STXBP6: variants seen among roughly 807,000 people sequenced by gnomAD.
STXBP6 encodes syntaxin-binding protein 6.
In STXBP6, 21 loss-of-function variants were observed where a neutral mutation model predicts 26.9. The ratio of observed to expected loss-of-function variants is 0.78; its 90% confidence interval spans 0.55 to 1.12. The LOEUF is 1.12. STXBP6 is among the 50% of genes most tolerant of loss of function. The pLI is 0.00. For missense variants in STXBP6, 232 were observed against 257.9 expected (o/e 0.90, Z 0.69); for synonymous variants, 97 against 92.6 (o/e 1.05, Z -0.27).
chr14:24,826,509 C>T (rs1189269364), intron 4 of STXBP6, among the ~76,000 whole-genome samples: 1 of 152,198 alleles, frequency 6.6e-6, no homozygotes, highest in Non-Finnish European at 1.5e-5. Flanking sequence ...AAGGAGGAGT[C>T]TGCCCCTACT....
intron 1 of STXBP6, among the ~76,000 whole-genome samples, chr14:25,024,463 G>A (rs145932906): frequency 1.4e-4 from 21 of 152,154 alleles, no homozygotes; most frequent in African/African-American, 4.8e-4. Context: ...GTTCAAGAAC[G>A]AACTTGATCC....
At chr14:25,008,469 G>A (rs1400410453) in intron 1 of STXBP6, among the ~76,000 whole-genome samples, 2 of 152,166 alleles carry the variant, frequency 1.3e-5, no homozygotes, top group African/African-American at 4.8e-5. Flanking sequence ...GGGAGATAGA[G>A]GGAGACCTTG....
In STXBP6 at chr14:24,901,464, T is replaced by C. The variant is rs181844399; in HGVS notation, c.155-44307A>G. 6.3e-3 allele frequency among the ~76,000 whole-genome samples: 963 copies of C among 152,278 alleles called. 8 individuals are homozygous for C. The highest frequency in any genetic ancestry group is 0.037 in the South Asian group (180 of 4,826). On this transcript the variant is annotated intron_variant, in intron 2 of 5. Coordinates refer to ENST00000323944, the MANE Select transcript of STXBP6 (RefSeq NM_001394410.1). Reference sequence around the variant, plus strand: ...CAACCACTGGGAAAACTGTTGGCAGTTTCTGAAAAAATTAGGCATAACGTT... The same window carrying C: ...CAACCACTGGGAAAACTGTTGGCAGCTTCTGAAAAAATTAGGCATAACGTT...
At chr14:24,952,852 G>A (rs937624240) in intron 2 of STXBP6, among the ~76,000 whole-genome samples, 2 of 152,130 alleles carry the variant, frequency 1.3e-5, no homozygotes, top group African/African-American at 4.8e-5. Flanking sequence ...CAACTCAGAG[G>A]AGGAAACCAT....
At chr14:24,886,635 G>C (rs912011466) in intron 2 of STXBP6, among the ~76,000 whole-genome samples, 41 of 151,766 alleles carry the variant, frequency 2.7e-4, no homozygotes, top group African/African-American at 9.5e-4. Context: ...TTTATGACTT[G>C]TCATTTCACA....
chr14:24,855,468 A>T (rs2139167952), intron 4 of STXBP6, among the ~76,000 whole-genome samples: 1 of 152,206 alleles, frequency 6.6e-6, no homozygotes, highest in East Asian at 1.9e-4. Context: ...TCTGTATGCC[A>T]TTCAAGGAAT....
intron 2 of STXBP6, among the ~76,000 whole-genome samples, chr14:24,896,608 G>A (rs190936619): frequency 1.3e-5 from 2 of 152,282 alleles, no homozygotes; most frequent in East Asian, 3.9e-4. Context: ...ACACATACAA[G>A]CTTTCTAAAA....
At chr14:24,849,961 G>A (rs537728376) in intron 4 of STXBP6, among the ~76,000 whole-genome samples, 1 of 152,098 alleles carries the variant, frequency 6.6e-6, no homozygotes, top group African/African-American at 2.4e-5. Flanking sequence ...AGCATGTGTA[G>A]GAGTGTGAGG....
chr14:24,898,464 G>A (rs2071082198), intron 2 of STXBP6, among the ~76,000 whole-genome samples: 1 of 152,176 alleles, frequency 6.6e-6, no homozygotes, highest in South Asian at 2.1e-4. Flanking sequence ...GGATCACGAG[G>A]TCAGGAGTTC....
rs533313893 is a variant in STXBP6, at chr14:24,874,669, T to G, written c.155-17512A>C. ...AGAGTAAAGCTAATTAAGTGACTAT[T>G]TTTCAGATATGAGAAAAAAGTTGTT... On this transcript the variant is annotated intron_variant, in intron 2 of 5. Transcript: ENST00000323944. Among the ~76,000 whole-genome samples, 5 of 152,280 alleles carry G rather than the reference T, an allele frequency of 3.3e-5. No individual in the cohort carries two copies. In the East Asian group the frequency reaches 9.7e-4, roughly 29 times the overall value.
intron 1 of STXBP6, among the ~76,000 whole-genome samples, chr14:25,038,297 C>G (rs944071863): frequency 1.2e-4 from 19 of 152,154 alleles, no homozygotes; most frequent in African/African-American, 4.3e-4. Flanking sequence ...AAGAGCCACA[C>G]TGGAGAACTG....
intron 1 of STXBP6, among the ~76,000 whole-genome samples, chr14:25,026,521 C>A (rs904320314): frequency 6.6e-5 from 10 of 152,266 alleles, no homozygotes; most frequent in African/African-American, 2.4e-4. Flanking sequence ...AATGATCCCA[C>A]TAAATTAGAT....
At chr14:24,983,622 T>C (rs1306481862) in intron 1 of STXBP6, among the ~76,000 whole-genome samples, 1 of 152,046 alleles carries the variant, frequency 6.6e-6, no homozygotes, top group Non-Finnish European at 1.5e-5. Context: ...ATAACAGAAA[T>C]TGCAGATTTA....
chr14:24,887,440 C>T (rs1205599784), intron 2 of STXBP6, among the ~76,000 whole-genome samples: 2 of 152,152 alleles, frequency 1.3e-5, no homozygotes, highest in African/African-American at 4.8e-5. Flanking sequence ...ATTCACTCTC[C>T]TCAGCCCTTC....
intron 2 of STXBP6, among the ~76,000 whole-genome samples, chr14:24,936,493 T>G (rs142268640): frequency 6.6e-6 from 1 of 152,314 alleles, no homozygotes; most frequent in African/African-American, 2.4e-5. Flanking sequence ...AATCTATTCT[T>G]ACAGATTAGA....
chr14:24,921,506 C>T (rs185983518), intron 2 of STXBP6, among the ~76,000 whole-genome samples: 6 of 152,226 alleles, frequency 3.9e-5, no homozygotes, highest in Non-Finnish European at 7.4e-5. Context: ...CAAGAGATGT[C>T]TCGTTTAGCA....
At chr14:24,929,804 G>T (rs1190145170) in intron 2 of STXBP6, among the ~76,000 whole-genome samples, 1 of 152,204 alleles carries the variant, frequency 6.6e-6, no homozygotes, top group Non-Finnish European at 1.5e-5. Context: ...ACTGTCAAGA[G>T]AACGTGTTCC....
At chr14:24,836,526 G>A (rs2068619736) in intron 4 of STXBP6, among the ~76,000 whole-genome samples, 1 of 148,314 alleles carries the variant, frequency 6.7e-6, no homozygotes, top group South Asian at 2.2e-4. Flanking sequence ...TTGAACCCAG[G>A]GGGCAGAGGT....
intron 2 of STXBP6, among the ~76,000 whole-genome samples, chr14:24,867,692 G>A (rs988781312): frequency 6.6e-6 from 1 of 152,134 alleles, no homozygotes; most frequent in African/African-American, 2.4e-5. Flanking sequence ...ATATCTAAAT[G>A]TAAAGGCCTA....
Sources: allele counts gnomAD v4.1 joint callset (sites outside exome capture counted in the v4.1 genomes callset), GRCh38; gene constraint gnomAD v4.1.1; transcripts MANE v1.5; gene names NCBI Gene and HGNC (gene_info 2026-07-23, HGNC 2026-07-21).